BTD: variants seen among roughly 807,000 people sequenced by gnomAD.
The protein encoded by BTD is biotinidase, also known as biocytinase.
BTD carries 13 observed loss-of-function variants against 17.7 expected under a neutral mutation model. That is an observed-to-expected ratio of 0.74 (90% CI 0.48 to 1.17). BTD has a LOEUF of 1.17. Ranked by LOEUF, BTD falls within the 50% of genes most tolerant of loss-of-function variation. The probability of loss-of-function intolerance (pLI) is 0.00; values close to 1 mark genes in which losing one functional copy is unlikely to be tolerated. For synonymous variants in BTD, 240 were observed against 245.2 expected (o/e 0.98, Z 0.20); for missense variants, 674 against 650.4 (o/e 1.04, Z -0.39).
chr3:15,632,773 A>G (rs1447008661), intron 1 of BTD: 1 of 152,474 alleles, frequency 6.6e-6, no homozygotes, highest in Non-Finnish European at 1.5e-5. Context: ...CCCTACCTCT[A>G]GTCCTGCCAC....
chr3:15,665,503 T>C (rs2065970298), intron 3 of BTD, among the ~76,000 whole-genome samples: 1 of 152,204 alleles, frequency 6.6e-6, no homozygotes, highest in Admixed American at 6.5e-5. Context: ...TGCCCAGTTT[T>C]ATATCTGGAC....
intron 3 of BTD, chr3:15,686,187 C>G (rs768048986): frequency 2.5e-6 from 4 of 1,590,180 alleles, no homozygotes; most frequent in Non-Finnish European, 1.7e-6. Context: ...GAAATACGCC[C>G]TTCTGTGATG....
chr3:15,621,801 T>C (rs2125397025), intron 1 of BTD, among the ~76,000 whole-genome samples: 1 of 152,254 alleles, frequency 6.6e-6, no homozygotes, highest in South Asian at 2.1e-4. Context: ...GGTTTCACCA[T>C]GTTGGCCAGG....
chr3:15,677,542 T>C (rs34208188), intron 3 of BTD: 59,773 of 1,611,866 alleles, frequency 0.037, 1,249 homozygotes, highest in Non-Finnish European at 0.041. Flanking sequence ...AGTTCTGCAC[T>C]AGCACTGCTA....
At chr3:15,685,300 G>C in intron 3 of BTD, 1 of 1,614,000 alleles carries the variant, frequency 6.2e-7, no homozygotes, top group Non-Finnish European at 8.5e-7. Context: ...CATAGATGCT[G>C]CTGACTGCAA....
downstream of BTD, chr3:15,713,670 T>C (rs187259459): frequency 2.1e-6 from 3 of 1,452,322 alleles, no homozygotes; most frequent in Admixed American, 6.4e-5. Flanking sequence ...TGTCAGACAC[T>C]GGACCATATA....
chr3:15,635,632 C>T lies in BTD; in HGVS notation c.193C>T (p.Leu65Phe), dbSNP rs750021632. 3 of 1,614,202 alleles carry T rather than the reference C, an allele frequency of 1.9e-6. No homozygotes were observed. In the East Asian group the frequency reaches 6.7e-5, roughly 36 times the overall value. The change falls in exon 2 of 4, where the codon CTC (leucine) becomes TTC (phenylalanine). Residue 65 changes from leucine (L) to phenylalanine (F), a missense_variant. Coordinates refer to ENST00000643237, the MANE Select transcript of BTD (RefSeq NM_001370658.1). This position sits in a 1 kb window ranked among gnomAD's most constrained non-coding sequence, Gnocchi z 4.1. ...ALISRQEALE[L>F]MNQNLDIYEQ... ...CATCAGCCGCCAAGAGGCCTTGGAG[C>T]TCATGAACCAGAACCTTGACATCTA... is the stretch of plus-strand genomic sequence containing the variant.
intron 1 of BTD, among the ~76,000 whole-genome samples, chr3:15,617,111 G>T (rs940085183): frequency 2.1e-4 from 32 of 152,306 alleles, no homozygotes; most frequent in African/African-American, 7.2e-4. Context: ...GGGATTATAG[G>T]CATGAGCCAC....
chr3:15,602,148 T>A, intron 1 of BTD: 1 of 1,415,796 alleles, frequency 7.1e-7, no homozygotes, highest in Non-Finnish European at 9.2e-7. Context: ...CCTTAAATTA[T>A]TGTAGCGCAC....
intron 1 of BTD, among the ~76,000 whole-genome samples, chr3:15,616,638 T>A (rs1198966422): frequency 1.3e-5 from 2 of 152,072 alleles, no homozygotes; most frequent in Non-Finnish European, 2.9e-5. Context: ...AGTTTTGTTT[T>A]TTTCCTTTCA....
chr3:15,607,832 A>C (rs780048351), intron 1 of BTD, among the ~76,000 whole-genome samples: 5 of 152,258 alleles, frequency 3.3e-5, no homozygotes, highest in African/African-American at 1.2e-4. Flanking sequence ...ATAGCAATGC[A>C]AAAACTGTAC....
chr3:15,661,289 A>G (rs13068677), intron 3 of BTD, among the ~76,000 whole-genome samples: 67,337 of 127,794 alleles, frequency 0.53, 18,142 homozygotes, highest in Admixed American at 0.63. Flanking sequence ...AAAAAAAAAA[A>G]AAAAGAAAAA....
exon 4 of BTD, among the ~76,000 whole-genome samples, chr3:15,710,923 C>T: frequency 6.6e-6 from 1 of 151,990 alleles, no homozygotes; most frequent in East Asian, 1.9e-4. Flanking sequence ...TGAGAACATA[C>T]TTTTTAAAGA....
intron 3 of BTD, chr3:15,677,470 G>A (rs1376496471): frequency 1.3e-6 from 2 of 1,592,512 alleles, no homozygotes; most frequent in East Asian, 2.2e-5. Context: ...TTCTTAAGAT[G>A]TATACATACC....
chr3:15,608,586 T>G (rs1490733382), intron 1 of BTD, among the ~76,000 whole-genome samples: 1 of 152,022 alleles, frequency 6.6e-6, no homozygotes, highest in Non-Finnish European at 1.5e-5. Flanking sequence ...GCCAACATGG[T>G]GAAACCCCGT....
intron 1 of BTD, among the ~76,000 whole-genome samples, chr3:15,607,408 C>G (rs1405013659): frequency 6.6e-6 from 1 of 152,226 alleles, no homozygotes; most frequent in Non-Finnish European, 1.5e-5. Flanking sequence ...GTTTTCTTCT[C>G]TCTGGGCCAG....
At chr3:15,695,266 AT>A in intron 3 of BTD, 1 of 1,341,184 alleles carries the variant, frequency 7.5e-7, no homozygotes, top group Non-Finnish European at 1.0e-6. Flanking sequence ...ATTCATCTAT[AT>A]TAAGTCTCAA....
At chr3:15,679,963 A>G (rs968919502) in intron 3 of BTD, among the ~76,000 whole-genome samples, 2 of 152,174 alleles carry the variant, frequency 1.3e-5, no homozygotes, top group African/African-American at 4.8e-5. Context: ...GAGATGATTT[A>G]AAGTATAGCA....
Position 15,648,020 on chromosome 3 carries a change from G to A in BTD, c.*2532G>A, listed in dbSNP as rs990307958. Among the ~76,000 whole-genome samples, 1 of 152,244 alleles carries A rather than the reference G, an allele frequency of 6.6e-6. No individual in the cohort carries two copies. The stretch of plus-strand genomic sequence containing the variant: ...CCCACCCAGGCCACTTTTCCCCACA[G>A]GTGGCCCTGCTTGGTACCTGTGCCC... On this transcript the variant is annotated 3_prime_UTR_variant, in exon 4 of 4. Transcript: ENST00000643237.
Sources: gnomAD v4.1 joint callset for allele counts (sites outside exome capture counted in the v4.1 genomes callset) on GRCh38, gnomAD v4.1.1 for gene constraint, Gnocchi (gnomAD v3.1) non-coding constraint, MANE v1.5 for transcripts, NCBI Gene and HGNC (gene_info 2026-07-23, HGNC 2026-07-21) for gene names.